The following GREB1L variants were observed in gnomAD, a reference collection of about 807,000 sequenced individuals.
GREB1L encodes the protein GREB1-like protein.
A neutral mutation model predicts 200.8 loss-of-function variants in GREB1L; 17 were observed. That is an observed-to-expected ratio of 0.08 (90% CI 0.06 to 0.13). GREB1L has a LOEUF of 0.13. Ranked by LOEUF, GREB1L falls within the 10% of genes least tolerant of loss-of-function variation. The pLI is 1.00. For synonymous variants in GREB1L, 789 were observed against 893.0 expected (o/e 0.88, Z 2.08); for missense variants, 1,657 against 2,367.7 (o/e 0.70, Z 6.23).
Position 21,517,636 on chromosome 18 carries a change from G to A in GREB1L, c.5272-398G>A, listed in dbSNP as rs117432693. Among the ~76,000 whole-genome samples the A allele has an allele frequency of 1.1e-3, 166 of 152,306 alleles. 1 individual carries two copies. In the East Asian group the frequency reaches 0.027, roughly 25 times the overall value. ...TTTTCTAAGAAATCTACTGAATGTAGTAATTCACAGCATGGGGGCTACCAG... is the reference window on the plus strand; with the variant it reads ...TTTTCTAAGAAATCTACTGAATGTAATAATTCACAGCATGGGGGCTACCAG... On this transcript the variant is annotated intron_variant, in intron 30 of 32. Transcript: ENST00000424526.
chr18:21,340,569 G>T (rs1436920758), intron 1 of GREB1L, among the ~76,000 whole-genome samples: 1 of 150,664 alleles, frequency 6.6e-6, no homozygotes, highest in Admixed American at 6.6e-5. Context: ...TTGAGACGGA[G>T]TCTTGCTCTG....
intron 7 of GREB1L, among the ~76,000 whole-genome samples, chr18:21,424,780 A>G (rs959869739): frequency 7.2e-5 from 11 of 152,188 alleles, no homozygotes; most frequent in Non-Finnish European, 1.6e-4. Flanking sequence ...TCATCACTCC[A>G]AGGAAAAATC....
At chr18:21,337,452 A>T (rs190023816) in intron 1 of GREB1L, among the ~76,000 whole-genome samples, 35 of 152,338 alleles carry the variant, frequency 2.3e-4, no homozygotes, top group Non-Finnish European at 4.1e-4. Context: ...TGGAGAGTGG[A>T]CGTGATACTC....
intron 31 of GREB1L, among the ~76,000 whole-genome samples, chr18:21,519,218 TTGGGAGGCTGAGG>T (rs2037529321): frequency 6.6e-6 from 1 of 152,098 alleles, no homozygotes; most frequent in East Asian, 1.9e-4. Context: ...ACCCAGCATT[TTGGGAGGCTGAGG>T]TGGGAGGATC....
intron 1 of GREB1L, among the ~76,000 whole-genome samples, chr18:21,260,805 T>C (rs2037877934): frequency 6.6e-6 from 1 of 151,960 alleles, no homozygotes; most frequent in South Asian, 2.1e-4. Context: ...GCTGCCATTG[T>C]GTGTGTTTCA....
At chr18:21,329,969 T>TG (rs34186385) in intron 1 of GREB1L, among the ~76,000 whole-genome samples, 5,776 of 129,218 alleles carry the variant, frequency 0.045, 144 homozygotes, top group Non-Finnish European at 0.055. Flanking sequence ...GTTTTTTTTT[T>TG]GGGGGGGGGG....
At chr18:21,367,437 C>A (rs1394177393) in intron 2 of GREB1L, among the ~76,000 whole-genome samples, 11 of 152,160 alleles carry the variant, frequency 7.2e-5, no homozygotes, top group Middle Eastern at 3.4e-3. Flanking sequence ...CTTTTTCTTT[C>A]CTTGGAGCAG....
chr18:21,329,889 A>T (rs1160919778), intron 1 of GREB1L, among the ~76,000 whole-genome samples: 4 of 146,666 alleles, frequency 2.7e-5, no homozygotes, highest in Non-Finnish European at 6.0e-5. Context: ...TGATTTCCAG[A>T]TTCTCTGTAT....
At chr18:21,343,655 A>T (rs1352355056) in intron 1 of GREB1L, among the ~76,000 whole-genome samples, 1 of 152,006 alleles carries the variant, frequency 6.6e-6, no homozygotes, top group African/African-American at 2.4e-5. Context: ...CAAAGACAAA[A>T]TGGCCGCATA....
chr18:21,482,998 CA>C (rs1180801247), intron 17 of GREB1L, among the ~76,000 whole-genome samples: 4 of 152,176 alleles, frequency 2.6e-5, no homozygotes, highest in Non-Finnish European at 5.9e-5. Context: ...TTTTGTAACA[CA>C]AAACCATAGT....
intron 1 of GREB1L, among the ~76,000 whole-genome samples, chr18:21,354,660 C>T (rs191911561): frequency 2.6e-5 from 4 of 152,096 alleles, no homozygotes; most frequent in East Asian, 1.9e-4. Flanking sequence ...TAGCAAAGGA[C>T]GGAGGGAGTC....
intron 23 of GREB1L, among the ~76,000 whole-genome samples, chr18:21,502,913 G>A (rs1004173661): frequency 3.3e-5 from 5 of 152,188 alleles, no homozygotes; most frequent in Non-Finnish European, 7.3e-5. Context: ...GTCTGCTACA[G>A]CCTGTTTGAC....
At chr18:21,503,356 G>A (rs1030373021) in intron 23 of GREB1L, among the ~76,000 whole-genome samples, 26 of 149,660 alleles carry the variant, frequency 1.7e-4, no homozygotes, top group Non-Finnish European at 3.1e-4. Context: ...ACAGGCTCAC[G>A]CCATCATGCC....
intron 1 of GREB1L, among the ~76,000 whole-genome samples, chr18:21,361,466 G>C (rs569986924): frequency 8.4e-4 from 128 of 152,228 alleles, no homozygotes; most frequent in South Asian, 2.1e-3. Flanking sequence ...TGGAGACTTG[G>C]GGGAGGGATC....
At chr18:21,497,869 TAGAGTGC>T (rs1187541517) in intron 21 of GREB1L, among the ~76,000 whole-genome samples, 1 of 120,568 alleles carries the variant, frequency 8.3e-6, no homozygotes, top group African/African-American at 3.1e-5. Flanking sequence ...TCCCCCAGGC[TAGAGTGC>T]AGTGGCACGA....
chr18:21,452,912 A>T (rs1216252488), intron 14 of GREB1L, among the ~76,000 whole-genome samples: 1 of 152,234 alleles, frequency 6.6e-6, no homozygotes, highest in African/African-American at 2.4e-5. Flanking sequence ...GGAATGTATC[A>T]TTTATATATT....
Position 21,250,665 on chromosome 18 carries a change from A to G in GREB1L, c.-120+8272A>G, listed in dbSNP as rs138306084. ...TTTTAAACCAATTTAAATGGACACT[A>G]ATATAAGTTAACATGTATATCTGTT... is the stretch of plus-strand genomic sequence containing the variant. On this transcript the variant is annotated intron_variant, in intron 1 of 32. Coordinates refer to ENST00000424526, the MANE Select transcript of GREB1L (RefSeq NM_001142966.3). 1.5e-3 allele frequency among the ~76,000 whole-genome samples: 228 copies of G among 152,346 alleles called. 2 individuals carry two copies. Among genetic ancestry groups the G allele is most frequent in the African/African-American group, 5.1e-3 (212 of 41,586 alleles).
intron 27 of GREB1L, among the ~76,000 whole-genome samples, chr18:21,512,250 G>A (rs1044540293): frequency 2.6e-5 from 4 of 152,210 alleles, no homozygotes; most frequent in African/African-American, 4.8e-5. Flanking sequence ...GATAGGGACT[G>A]CATTAAGGCT....
rs372397665 is a variant in GREB1L at position 21,501,898 on chromosome 18, C to T, written c.4072+1256C>T. The stretch of plus-strand genomic sequence containing the variant: ...TGGAAGCCAGTGGGCATACCAAGAC[C>T]ACTCCAGCTGTCTTCCCCAGCTGGC... On this transcript the variant is annotated intron_variant, in intron 23 of 32. Transcript: ENST00000424526. Among the ~76,000 whole-genome samples, 78 of 152,316 alleles carry T rather than the reference C, an allele frequency of 5.1e-4. 2 individuals carry two copies. The South Asian group carries it at 0.016, about 32-fold the overall frequency.
Sources: gnomAD v4.1 joint callset for allele counts (sites outside exome capture counted in the v4.1 genomes callset) on GRCh38, gnomAD v4.1.1 for gene constraint, MANE v1.5 for transcripts, NCBI Gene and HGNC (gene_info 2026-07-23, HGNC 2026-07-21) for gene names.